The following ACSF2 variants were observed in gnomAD, a reference collection of about 807,000 sequenced individuals.
ACSF2 encodes the protein acyl-CoA synthetase family member 2, also known as medium-chain acyl-CoA ligase ACSF2, mitochondrial.
Under a neutral mutation model 79.3 loss-of-function variants are expected in ACSF2, and 52 were observed. The observed-to-expected ratio is 0.66, with a 90% CI of 0.53 to 0.83. The LOEUF (loss-of-function observed/expected upper bound fraction) is 0.83. Among genes scored for constraint, ACSF2 ranks in the 40% least tolerant of loss-of-function variants. The pLI, the probability that ACSF2 is intolerant of heterozygous loss-of-function variation, is 0.00. For missense variants in ACSF2, 661 were observed against 803.3 expected, an observed-to-expected ratio of 0.82 and a Z score of 2.14; for synonymous variants, 283 against 312.6, an observed-to-expected ratio of 0.91 and a Z score of 1.00.
chr17:50,473,664 G>C lies in ACSF2; in HGVS notation c.1476-1G>C. ...AGGTTGCCCCTGGGCTTTCCTTACA[G>C]AGATGTCGCCACAATGAATGAGCAG... On this transcript the variant is annotated splice_acceptor_variant, in intron 12 of 15. Transcript: ENST00000300441. LOFTEE classifies it high-confidence loss of function. 7.4e-6 allele frequency: 12 copies of C among 1,614,206 alleles called. No individual in the cohort carries two copies. The highest frequency in any genetic ancestry group is 1.0e-5 in the Non-Finnish European group (12 of 1,180,022).
intron 12 of ACSF2, chr17:50,473,292 C>CT: frequency 4.9e-6 from 1 of 202,424 alleles, no homozygotes. Flanking sequence ...ACAAAAAACA[C>CT]TAAGAAAATG....
chr17:50,447,108 G>T (rs1357692452), intron 1 of ACSF2, among the ~76,000 whole-genome samples: 1 of 152,136 alleles, frequency 6.6e-6, no homozygotes, highest in Non-Finnish European at 1.5e-5. Flanking sequence ...ACCTCACAGA[G>T]TTACCCTATG....
chr17:50,436,451 C>T (rs1431695133), intron 1 of ACSF2, among the ~76,000 whole-genome samples: 5 of 147,502 alleles, frequency 3.4e-5, no homozygotes, highest in Admixed American at 1.4e-4. Context: ...TATTTTCCTG[C>T]GACAGAGTTT....
intron 10 of ACSF2, chr17:50,468,808 G>T: frequency 6.5e-7 from 1 of 1,531,648 alleles, no homozygotes; most frequent in South Asian, 1.2e-5. Flanking sequence ...GCATTGGGCG[G>T]ACCATGGCTG....
rs770229195 is a variant in ACSF2, at chr17:50,463,482, G to A, written c.976G>A (p.Gly326Ser). 33 of 1,614,094 alleles carry A rather than the reference G, an allele frequency of 2.0e-5. No individual in the cohort carries two copies. Among genetic ancestry groups the A allele is most frequent in the Non-Finnish European group, 2.6e-5 (31 of 1,180,028 alleles). ...VAGTMMCLMY[G>S]ATLILASPIF... ...AGGCACAATGATGTGTCTGATGTAC[G>A]GTGCCACCCTCATCCTGGCCTCTCC... Residue 326 changes from glycine (G) to serine (S), a missense_variant, in exon 8 of 16, where the codon GGT becomes AGT. Transcript: ENST00000300441. The surrounding 1 kb of genome is among the most constrained non-coding windows in gnomAD (Gnocchi z 4.6).
At chr17:50,455,008 C>T (rs1226153200) in intron 1 of ACSF2, among the ~76,000 whole-genome samples, 1 of 152,154 alleles carries the variant, frequency 6.6e-6, no homozygotes, top group Admixed American at 6.5e-5. Flanking sequence ...TGTTGTGAGG[C>T]TGAACACCTG....
At chr17:50,434,345 CAA>C (rs1320082398) in intron 1 of ACSF2, among the ~76,000 whole-genome samples, 2 of 151,858 alleles carry the variant, frequency 1.3e-5, no homozygotes, top group East Asian at 3.9e-4. Flanking sequence ...AATAACAAAA[CAA>C]GATGCTGAGA....
At chr17:50,465,503 G>T in intron 10 of ACSF2, 1 of 1,581,004 alleles carries the variant, frequency 6.3e-7, no homozygotes, top group Non-Finnish European at 8.6e-7. Flanking sequence ...GAAGGGCAGT[G>T]AACTATGGGG....
At chr17:50,466,073 C>CTTTTTTTTTTTTTTTTTTTTTTTTTTTTT (rs10707664) in intron 10 of ACSF2, among the ~76,000 whole-genome samples, 1 of 120,028 alleles carries the variant, frequency 8.3e-6, no homozygotes. Context: ...GTGTTATTTT[C>CTTTTTTTTTTTTTTTTTTTTTTTTTTTTT]TTTTTTTTTT....
chr17:50,449,010 CTTT>C (rs1157696530), intron 1 of ACSF2, among the ~76,000 whole-genome samples: 28 of 101,238 alleles, frequency 2.8e-4, no homozygotes, highest in African/African-American at 9.9e-4. Context: ...AATATGTAGT[CTTT>C]TTTTTTTTTT....
chr17:50,455,829 G>A (rs901381975), intron 1 of ACSF2, among the ~76,000 whole-genome samples: 8 of 152,114 alleles, frequency 5.3e-5, no homozygotes, highest in African/African-American at 1.9e-4. Flanking sequence ...CGTGTCCCCC[G>A]AGCTTCAGAG....
Position 50,474,598 on chromosome 17 carries a change from G to C in ACSF2, c.*46G>C. On this transcript the variant is annotated 3_prime_UTR_variant, in exon 16 of 16. Coordinates refer to ENST00000300441, the MANE Select transcript of ACSF2 (RefSeq NM_025149.6). The surrounding 1 kb of genome is among the most constrained non-coding windows in gnomAD (Gnocchi z 4.2). Reference sequence around the variant, plus strand: ...TGGCCGGTTGGCTTGACTCTCTCCTGTCAGAATGCAACCTGGCTTTATGCA... The same window carrying C: ...TGGCCGGTTGGCTTGACTCTCTCCTCTCAGAATGCAACCTGGCTTTATGCA... The C allele has an allele frequency of 6.3e-7, 1 of 1,590,446 alleles. No homozygotes were observed. Among genetic ancestry groups the C allele is most frequent in the Non-Finnish European group, 8.6e-7 (1 of 1,159,004 alleles).
chr17:50,428,210 G>A (rs1482420399), intron 1 of ACSF2, among the ~76,000 whole-genome samples: 1 of 152,214 alleles, frequency 6.6e-6, no homozygotes, highest in Non-Finnish European at 1.5e-5. Context: ...ATAAAGGCTG[G>A]GTGGGTGGCT....
chr17:50,432,048 C>T (rs900428315), intron 1 of ACSF2, among the ~76,000 whole-genome samples: 10 of 151,996 alleles, frequency 6.6e-5, no homozygotes, highest in Admixed American at 1.3e-4. Flanking sequence ...TACAGGCCTG[C>T]GTCACTACAC....
chr17:50,465,217 G>A, intron 10 of ACSF2: 3 of 1,560,374 alleles, frequency 1.9e-6, no homozygotes, highest in South Asian at 1.1e-5. Context: ...AGGGCCAGGG[G>A]GTATCCTGGA....
chr17:50,461,916 G>A (rs1354182722), intron 4 of ACSF2, among the ~76,000 whole-genome samples: 2 of 147,430 alleles, frequency 1.4e-5, no homozygotes, highest in Non-Finnish European at 3.0e-5. Flanking sequence ...GCATGTGTGT[G>A]TCAGGGCAGA....
intron 1 of ACSF2, among the ~76,000 whole-genome samples, chr17:50,430,270 T>C (rs1915406029): frequency 6.6e-6 from 1 of 152,148 alleles, no homozygotes; most frequent in East Asian, 1.9e-4. Flanking sequence ...GTAATATAAG[T>C]AGAGAGATTT....
rs751296451 is a variant in ACSF2 at position 50,463,245 on chromosome 17, T to A, written c.882T>A (p.His294Gln). 5.6e-6 allele frequency: 9 copies of A among 1,613,816 alleles called. No homozygotes were observed. The African/African-American group carries it at 1.1e-4, about 19-fold the overall frequency. The change falls in exon 7 of 16, where the codon CAT becomes CAA. Residue 294 changes from histidine to glutamine, a missense_variant. Transcript: ENST00000300441. This position sits in a 1 kb window ranked among gnomAD's most constrained non-coding sequence, Gnocchi z 4.6. ...TTTTAGGAGAGCGCCTGAAACTGCA[T>A]GAGAAGGTGAGGCGGCACTAGGCCC... ...SNILGERLKL[H>Q]EKTPEQLRMI...
Position 50,462,593 on chromosome 17 carries a change from A to G in ACSF2, c.792+8A>G. 1.2e-6 allele frequency: 2 copies of G among 1,610,690 alleles called. No homozygotes were observed. The highest frequency in any genetic ancestry group is 1.7e-6 in the Non-Finnish European group (2 of 1,177,310). ...AACATCCAGTTCACCTCGGTAGGGC[A>G]GAGGTCTCCAGGCCCCAAGCCCAGA... On this transcript the variant is annotated splice_region_variant and intron_variant, in intron 6 of 15. Coordinates refer to ENST00000300441, the MANE Select transcript of ACSF2 (RefSeq NM_025149.6).
Sources: allele counts gnomAD v4.1 joint callset (sites outside exome capture counted in the v4.1 genomes callset), GRCh38; gene constraint gnomAD v4.1.1; non-coding constraint Gnocchi (gnomAD v3.1); transcripts MANE v1.5; gene names NCBI Gene and HGNC (gene_info 2026-07-23, HGNC 2026-07-21).